The following PLXNC1 variants were observed in gnomAD, a reference collection of about 807,000 sequenced individuals.
PLXNC1 encodes plexin-C1.
A neutral mutation model predicts 178.2 loss-of-function variants in PLXNC1; 75 were observed. The observed-to-expected ratio is 0.42, with a 90% CI of 0.35 to 0.51. The LOEUF (loss-of-function observed/expected upper bound fraction) is 0.51. Among genes scored for constraint, PLXNC1 ranks in the 20% least tolerant of loss-of-function variants. PLXNC1 has a pLI of 0.02. For missense variants in PLXNC1, 1,503 were observed against 1,984.4 expected, an observed-to-expected ratio of 0.76 and a Z score of 4.61; for synonymous variants, 790 against 779.9, an observed-to-expected ratio of 1.01 and a Z score of -0.22.
chr12:94,186,638 T>C, intron 4 of PLXNC1, 165 bp downstream of exon 4: 1 of 570,750 alleles, frequency 1.8e-6, no homozygotes, highest in East Asian at 3.1e-5. Context: ...CGAAGGTGTT[T>C]CCAGCGGCGT....
intron 1 of PLXNC1, among the ~76,000 whole-genome samples, chr12:94,158,673 A>G (rs1961266986): frequency 6.6e-6 from 1 of 152,046 alleles, no homozygotes; most frequent in Non-Finnish European, 1.5e-5. Flanking sequence ...GTAGTGGCAC[A>G]TATTTGTAGT....
intron 4 of PLXNC1, among the ~76,000 whole-genome samples, chr12:94,201,492 T>C (rs539289386): frequency 2.6e-5 from 4 of 152,340 alleles, no homozygotes; most frequent in African/African-American, 4.8e-5. Flanking sequence ...TTAGAACAGA[T>C]GTACATTTTT....
intron 14 of PLXNC1, among the ~76,000 whole-genome samples, chr12:94,249,423 G>A (rs373080937): frequency 1.3e-5 from 2 of 152,092 alleles, no homozygotes; most frequent in African/African-American, 2.4e-5. Flanking sequence ...TAGTAGAGAC[G>A]GAGTTTCACT....
At chr12:94,297,457 A>C in intron 26 of PLXNC1, 34 bp downstream of exon 26, 1 of 1,366,302 alleles carries the variant, frequency 7.3e-7, no homozygotes, top group Non-Finnish European at 1.0e-6. Context: ...CTTTATGGCT[A>C]CCTAGGGGGT....
In PLXNC1 at chr12:94,148,964, C is replaced by G. The variant is rs1960831318; in HGVS notation, c.-8C>G. 4 of 1,319,068 alleles carry G rather than the reference C, an allele frequency of 3.0e-6. No individual in the cohort carries two copies. The East Asian group carries it at 9.4e-5, about 31-fold the overall frequency. 81.7% of individuals were successfully genotyped at this position (1,319,068 alleles called of 1,614,324 possible). ...CGCGCCCTGCCCGGGGGCGGCCCCC[C>G]CAGCCCCATGGAGGTCTCCCGGAGG... On this transcript the variant is annotated 5_prime_UTR_variant, in exon 1 of 31. Transcript: ENST00000258526. This position sits in a 1 kb window ranked among gnomAD's most constrained non-coding sequence, Gnocchi z 4.8.
intron 4 of PLXNC1, among the ~76,000 whole-genome samples, chr12:94,202,315 C>T (rs879567229): frequency 2.6e-5 from 4 of 152,190 alleles, no homozygotes; most frequent in Non-Finnish European, 5.9e-5. Context: ...TCTGCAGTTC[C>T]TAGTGGAGTG....
chr12:94,236,212 A>C (rs1779462913), intron 9 of PLXNC1, among the ~76,000 whole-genome samples: 2 of 152,230 alleles, frequency 1.3e-5, no homozygotes, highest in Non-Finnish European at 1.5e-5. Flanking sequence ...TACCAAAATC[A>C]ATTCTGTGTC....
intron 21 of PLXNC1, among the ~76,000 whole-genome samples, chr12:94,275,178 G>C (rs1965839694): frequency 6.6e-6 from 1 of 152,200 alleles, no homozygotes; most frequent in South Asian, 2.1e-4. Context: ...CACTTGCTGA[G>C]GGTGATAGTC....
chr12:94,212,096 A>C (rs1368378524), intron 5 of PLXNC1, among the ~76,000 whole-genome samples: 1 of 151,780 alleles, frequency 6.6e-6, no homozygotes, highest in Non-Finnish European at 1.5e-5. Flanking sequence ...AAAACGGTGA[A>C]ACCCCGTCTC....
chr12:94,159,299 G>A (rs983082558), intron 1 of PLXNC1, among the ~76,000 whole-genome samples: 2 of 152,200 alleles, frequency 1.3e-5, no homozygotes, highest in African/African-American at 4.8e-5. Context: ...AAAATGGGCT[G>A]TATTATTACT....
intron 24 of PLXNC1, among the ~76,000 whole-genome samples, chr12:94,295,912 G>T (rs1967876928): frequency 6.6e-6 from 1 of 152,154 alleles, no homozygotes; most frequent in African/African-American, 2.4e-5. Flanking sequence ...TCTTTACAGA[G>T]AAAACTAATC....
chr12:94,240,592 C>T lies in PLXNC1; in HGVS notation c.2228C>T (p.Ser743Phe). ...VCIQFDGGNC[S>F]SVGSLSYIAL... is the part of the protein sequence containing the mutation. The stretch of plus-strand genomic sequence containing the variant: ...ATCCAGTTTGATGGTGGGAACTGCT[C>T]TTCTGTGGGATCCTTATCCTACATT... The change falls in exon 11 of 31, where the codon TCT becomes TTT. Residue 743 changes from serine to phenylalanine, a missense_variant. Transcript: ENST00000258526. 1 of 1,613,830 alleles carries T rather than the reference C, an allele frequency of 6.2e-7. No individual in the cohort carries two copies. Among genetic ancestry groups the T allele is most frequent in the Non-Finnish European group, 8.5e-7 (1 of 1,179,702 alleles).
At chr12:94,229,763 C>A (rs1964040879) in intron 9 of PLXNC1, among the ~76,000 whole-genome samples, 1 of 152,166 alleles carries the variant, frequency 6.6e-6, no homozygotes, top group South Asian at 2.1e-4. Context: ...CTATGCCTGT[C>A]TTTATGGCAG....
At chr12:94,169,640 T>C (rs1961766533) in intron 2 of PLXNC1, among the ~76,000 whole-genome samples, 1 of 152,220 alleles carries the variant, frequency 6.6e-6, no homozygotes, top group Non-Finnish European at 1.5e-5. Flanking sequence ...CTAGCTCCTT[T>C]ATCATGGAAA....
At chr12:94,299,874 A>G (rs1968291825) in intron 27 of PLXNC1, among the ~76,000 whole-genome samples, 1 of 152,064 alleles carries the variant, frequency 6.6e-6, no homozygotes, top group African/African-American at 2.4e-5. Context: ...CTAGCCTCTT[A>G]TCTCCAGTCC....
intron 1 of PLXNC1, among the ~76,000 whole-genome samples, chr12:94,153,749 G>A (rs994428815): frequency 6.6e-6 from 1 of 152,160 alleles, no homozygotes; most frequent in Non-Finnish European, 1.5e-5. Context: ...CCTTTGTAGG[G>A]GGACATACCG....
At chr12:94,225,250 AC>A (rs1393898957) in intron 7 of PLXNC1, among the ~76,000 whole-genome samples, 1 of 152,232 alleles carries the variant, frequency 6.6e-6, no homozygotes, top group Non-Finnish European at 1.5e-5. Context: ...GCTGTAGATC[AC>A]TGCATAGTTT....
At chr12:94,240,138 T>C (rs1964348371) in intron 10 of PLXNC1, among the ~76,000 whole-genome samples, 1 of 152,206 alleles carries the variant, frequency 6.6e-6, no homozygotes, top group Admixed American at 6.5e-5. Context: ...ATAGTGCCAT[T>C]ATGATACTCA....
intron 4 of PLXNC1, among the ~76,000 whole-genome samples, chr12:94,204,050 G>C (rs1276647528): frequency 2.0e-5 from 3 of 152,240 alleles, no homozygotes; most frequent in African/African-American, 7.2e-5. Flanking sequence ...CCAGATGCAG[G>C]CCCCTCGACC....
Sources: allele counts gnomAD v4.1 joint callset (sites outside exome capture counted in the v4.1 genomes callset), GRCh38; gene constraint gnomAD v4.1.1; non-coding constraint Gnocchi (gnomAD v3.1); transcripts MANE v1.5; gene names NCBI Gene and HGNC (gene_info 2026-07-23, HGNC 2026-07-21).